SMIM14: variants seen among roughly 807,000 people sequenced by gnomAD.
SMIM14 encodes the protein small integral membrane protein 14.
A neutral mutation model predicts 12.6 loss-of-function variants in SMIM14; 5 were observed. The ratio of observed to expected loss-of-function variants is 0.40; its 90% CI spans 0.21 to 0.83. SMIM14 has a LOEUF of 0.83. Among genes scored for constraint, SMIM14 ranks in the 40% least tolerant of loss-of-function variants. The pLI is 0.37. For synonymous variants in SMIM14, 30 were observed against 40.1 expected (o/e 0.75, Z 0.95); for missense variants, 86 against 119.1 (o/e 0.72, Z 1.29).
intron 3 of SMIM14, among the ~76,000 whole-genome samples, chr4:39,562,816 G>GTTTTTTTTTTTTTT (rs1327669107): frequency 6.6e-6 from 1 of 150,918 alleles, no homozygotes; most frequent in African/African-American, 2.5e-5. Context: ...CCTAATTTTT[G>GTTTTTTTTTTTTTT]TATTTTTAGT....
At position 39,635,595 on chromosome 4, in the gene SMIM14, T is replaced by A. The variant is rs531056871; in HGVS notation, c.-36+3144A>T. On this transcript the variant is annotated intron_variant, in intron 1 of 4. Coordinates refer to ENST00000295958, the MANE Select transcript of SMIM14 (RefSeq NM_174921.3). ...AATTTAGAATACATATTGAATACTATAAGCCAAATCAAAGAAAAAGAAACT... is the reference window on the plus strand; with the variant it reads ...AATTTAGAATACATATTGAATACTAAAAGCCAAATCAAAGAAAAAGAAACT... Among the ~76,000 whole-genome samples, 157 of 152,216 alleles carry A rather than the reference T, an allele frequency of 1.0e-3. 3 individuals are homozygous for A. Among genetic ancestry groups the A allele is most frequent in the Admixed American group, 8.4e-3 (129 of 15,284 alleles).
intron 1 of SMIM14, among the ~76,000 whole-genome samples, chr4:39,606,820 G>A (rs1714831072): frequency 1.3e-5 from 2 of 151,958 alleles, no homozygotes; most frequent in East Asian, 3.9e-4. Context: ...CCTAAGTTGG[G>A]GAGAAGAAAC....
intron 1 of SMIM14, among the ~76,000 whole-genome samples, chr4:39,621,686 C>CTTTTT (rs57206633): frequency 5.9e-4 from 62 of 105,374 alleles, no homozygotes; most frequent in Non-Finnish European, 1.0e-3. Flanking sequence ...CCAAACGTTT[C>CTTTTT]TTTTTTTTTT....
chr4:39,580,298 G>A (rs998506365), intron 2 of SMIM14, among the ~76,000 whole-genome samples: 2 of 151,912 alleles, frequency 1.3e-5, no homozygotes, highest in African/African-American at 4.8e-5. Context: ...CCCACCTCAA[G>A]CCTCCTGAGT....
chr4:39,574,468 C>T (rs1486891680), intron 2 of SMIM14, among the ~76,000 whole-genome samples: 1 of 152,088 alleles, frequency 6.6e-6, no homozygotes, highest in Non-Finnish European at 1.5e-5. Flanking sequence ...GTCTCAAACT[C>T]CTGAGCTCAG....
chr4:39,607,717 A>G (rs1714865434), intron 1 of SMIM14, among the ~76,000 whole-genome samples: 2 of 152,248 alleles, frequency 1.3e-5, no homozygotes, highest in African/African-American at 4.8e-5. Context: ...AAACTGATAA[A>G]TGCTATAAAA....
chr4:39,593,355 C>T (rs946106634), intron 2 of SMIM14: 3 of 152,224 alleles, frequency 2.0e-5, no homozygotes, highest in Non-Finnish European at 4.4e-5. Context: ...ATTCGACAAC[C>T]CTTCATGCTA....
At chr4:39,609,261 T>A (rs1423166230) in intron 1 of SMIM14, among the ~76,000 whole-genome samples, 2 of 152,160 alleles carry the variant, frequency 1.3e-5, no homozygotes, top group African/African-American at 4.8e-5. Context: ...ATTAGAGGCA[T>A]AAGCCACCGT....
At chr4:39,623,603 T>C (rs902521079) in intron 1 of SMIM14, among the ~76,000 whole-genome samples, 4 of 152,228 alleles carry the variant, frequency 2.6e-5, no homozygotes, top group Non-Finnish European at 5.9e-5. Context: ...CTCATGCCTG[T>C]AATCCCAGCA....
At position 39,556,425 on chromosome 4, in the gene SMIM14, T is replaced by TA; in HGVS notation, c.267+2dup. Reference sequence around the variant, plus strand: ...AAAAGCATTTAAAATCTGCAACACTTACATTATGAGGACTGGTTGGCTTTC... The same window carrying TA: ...AAAAGCATTTAAAATCTGCAACACTTAACATTATGAGGACTGGTTGGCTTTC... On this transcript the variant is annotated splice_region_variant and intron_variant, in intron 4 of 4. Transcript: ENST00000295958. 6.2e-7 allele frequency: 1 copy of TA among 1,608,596 alleles called. No individual in the cohort carries two copies. The highest frequency in any genetic ancestry group is 8.5e-7 in the Non-Finnish European group (1 of 1,178,568).
chr4:39,638,347 TA>T, intron 1 of SMIM14: 2 of 541,826 alleles, frequency 3.7e-6, no homozygotes, highest in Non-Finnish European at 2.4e-6. Context: ...AGGGAGACGG[TA>T]AACAAGATAG....
intron 3 of SMIM14, among the ~76,000 whole-genome samples, chr4:39,561,330 A>T (rs1442757212): frequency 6.6e-6 from 1 of 152,144 alleles, no homozygotes; most frequent in Non-Finnish European, 1.5e-5. Context: ...GCCAGACCTG[A>T]TGGGGCTCAT....
chr4:39,604,989 C>T lies in SMIM14; in HGVS notation c.75+82G>A. The T allele has an allele frequency of 4.7e-6, 4 of 853,680 alleles. No homozygotes were observed. The South Asian group carries it at 6.1e-5, about 13-fold the overall frequency. 52.9% of individuals were successfully genotyped at this position (853,680 alleles called of 1,614,324 possible). The stretch of plus-strand genomic sequence containing the variant: ...CTTTAGTGACCATCAGATGAAAACC[C>T]TCCAATAACCAGTATTTTCATGAAA... On this transcript the variant is annotated intron_variant, in intron 2 of 4. Transcript: ENST00000295958.
chr4:39,575,749 A>AT (rs35325470), intron 2 of SMIM14, among the ~76,000 whole-genome samples: 49 of 132,216 alleles, frequency 3.7e-4, no homozygotes, highest in African/African-American at 9.8e-4. Context: ...ATGCCCAGCT[A>AT]TTTTTTTTTT....
rs144787027 is a variant in SMIM14 at position 39,618,725 on chromosome 4, C to T, written c.-35-13545G>A. Among the ~76,000 whole-genome samples, 872 of 151,770 alleles carry T rather than the reference C, an allele frequency of 5.7e-3. 12 individuals are homozygous for T. Among genetic ancestry groups the T allele is most frequent in the African/African-American group, 0.019 (804 of 41,370 alleles). On this transcript the variant is annotated intron_variant, in intron 1 of 4. Coordinates refer to ENST00000295958, the MANE Select transcript of SMIM14 (RefSeq NM_174921.3). ...TCACTCATTCTCATTCTCTTTTACC[C>T]ACTCTCACTGACTACACTTCCCAAG... is the stretch of plus-strand genomic sequence containing the variant.
chr4:39,634,341 T>C (rs1716015998), intron 1 of SMIM14, among the ~76,000 whole-genome samples: 1 of 152,224 alleles, frequency 6.6e-6, no homozygotes, highest in African/African-American at 2.4e-5. Context: ...TATCCTGTCC[T>C]GAACAAAAAC....
Position 39,605,117 on chromosome 4 carries a change from TCA to T in SMIM14, c.27_28del (p.Cys9Ter). 6.2e-7 allele frequency: 1 copy of T among 1,608,450 alleles called. No homozygotes were observed. ...TGCATGTTCATGAGAGCAAACACAT[TCA>T]CAGGGATCAAATCCACCTTCTGCCA... is the stretch of plus-strand genomic sequence containing the variant. On this transcript the variant is annotated stop_gained and frameshift_variant, in exon 2 of 5. Transcript: ENST00000295958. LOFTEE classifies it high-confidence loss of function.
chr4:39,553,928 G>C (rs1174872936), intron 4 of SMIM14, among the ~76,000 whole-genome samples: 1 of 152,034 alleles, frequency 6.6e-6, no homozygotes, highest in Non-Finnish European at 1.5e-5. Context: ...AGCATGCTAC[G>C]TATCTTTTTT....
intron 1 of SMIM14, among the ~76,000 whole-genome samples, chr4:39,629,029 G>A (rs1015766199): frequency 1.3e-5 from 2 of 151,202 alleles, no homozygotes; most frequent in African/African-American, 2.4e-5. Context: ...CACTGTGCCC[G>A]ACCAGGAAAA....
Sources: gnomAD v4.1 joint callset for allele counts (sites outside exome capture counted in the v4.1 genomes callset) on GRCh38, gnomAD v4.1.1 for gene constraint, MANE v1.5 for transcripts, NCBI Gene and HGNC (gene_info 2026-07-23, HGNC 2026-07-21) for gene names.